VPS13C: variants seen among roughly 807,000 people sequenced by gnomAD.
VPS13C encodes intermembrane lipid transfer protein VPS13C.
In VPS13C, 358 loss-of-function variants were observed where a neutral mutation model predicts 456.8. The observed-to-expected ratio is 0.78, with a 90% confidence interval of 0.72 to 0.86. The LOEUF (loss-of-function observed/expected upper bound fraction) is 0.86. Among genes scored for constraint, VPS13C ranks in the 40% least tolerant of loss-of-function variants. The pLI, the probability that VPS13C is intolerant of heterozygous loss-of-function variation, is 0.00. For synonymous variants in VPS13C, 1,578 were observed against 1,486.7 expected (o/e 1.06, Z -1.41); for missense variants, 4,818 against 4,385.4 (o/e 1.10, Z -2.79).
chr15:61,955,861 T>C (rs182903791), intron 37 of VPS13C, among the ~76,000 whole-genome samples: 162 of 152,296 alleles, frequency 1.1e-3, no homozygotes, highest in African/African-American at 3.6e-3. Flanking sequence ...GGAATACTTA[T>C]ACACTGTAGG....
At chr15:62,006,406 C>T (rs977391806) in intron 15 of VPS13C, among the ~76,000 whole-genome samples, 9 of 152,106 alleles carry the variant, frequency 5.9e-5, no homozygotes, top group African/African-American at 2.2e-4. Context: ...TTTCCAGTTT[C>T]ATCCATGTCC....
At chr15:61,995,394 A>C (rs773728836) in intron 16 of VPS13C, among the ~76,000 whole-genome samples, 3 of 152,264 alleles carry the variant, frequency 2.0e-5, no homozygotes, top group South Asian at 2.1e-4. Context: ...CCACCACCAT[A>C]ATCTCCCATT....
chr15:61,952,053 A>C, intron 38 of VPS13C, 73 bp from the exon 39 acceptor site: 1 of 1,495,208 alleles, frequency 6.7e-7, no homozygotes, highest in African/African-American at 1.4e-5. Flanking sequence ...GAATTTAATA[A>C]GTATCCAGAG....
Position 61,954,478 on chromosome 15 carries a change from C to G in VPS13C, c.4242G>C (p.Val1414=), listed in dbSNP as rs1375739639. The change falls in exon 38 of 85, where the codon GTG becomes GTC. Residue 1414 remains valine (V), a synonymous_variant. Transcript: ENST00000644861. ...HDSKNTLTTG[V]EEIRSVDIIN... is the part of the protein sequence containing the mutation. ...TGATGTCTACAGACCTAATTTCTTC[C>G]ACTCCAGTTGTTAAAGTATTTTTTG... 6.2e-7 allele frequency: 1 copy of G among 1,609,462 alleles called. No homozygotes were observed. The highest frequency in any genetic ancestry group is 2.2e-5 in the East Asian group (1 of 44,684).
chr15:61,897,927 A>G (rs190390840), intron 66 of VPS13C, among the ~76,000 whole-genome samples: 5 of 152,308 alleles, frequency 3.3e-5, no homozygotes, highest in African/African-American at 1.2e-4. Flanking sequence ...TACAAGCCAG[A>G]AGAGAGTGGG....
chr15:61,984,973 C>T lies in VPS13C; in HGVS notation c.1605G>A (p.Lys535=), dbSNP rs923033131. ...KQYVAHIMTL[K]LVSTSVTIRE... Reference sequence around the variant, plus strand: ...TTATCGTAACAGAGGTGCTTACTAACTTCAGGGTCATAATATGGGCAACAT... The same window carrying T: ...TTATCGTAACAGAGGTGCTTACTAATTTCAGGGTCATAATATGGGCAACAT... Residue 535 remains lysine, a synonymous_variant, in exon 19 of 85, where the codon AAG becomes AAA. Transcript: ENST00000644861. The T allele has an allele frequency of 6.9e-6, 11 of 1,591,182 alleles. No homozygotes were observed. The highest frequency in any genetic ancestry group is 9.4e-6 in the Non-Finnish European group (11 of 1,171,116).
chr15:61,966,161 G>A lies in VPS13C; in HGVS notation c.2992-19C>T, dbSNP rs770703976. 16 of 1,582,866 alleles carry A rather than the reference G, an allele frequency of 1.0e-5. No individual in the cohort carries two copies. In the East Asian group the frequency reaches 3.2e-4, roughly 31 times the overall value. The stretch of plus-strand genomic sequence containing the variant: ...TATCAGCCTGAAAAAAGAAGTAAAA[G>A]TTCTAAAGAAGGTACTAGGATCGAA... On this transcript the variant is annotated intron_variant, in intron 29 of 84. Coordinates refer to ENST00000644861, the MANE Select transcript of VPS13C (RefSeq NM_020821.3).
At chr15:61,921,384 A>G (rs1418824022) in intron 55 of VPS13C, among the ~76,000 whole-genome samples, 2 of 152,074 alleles carry the variant, frequency 1.3e-5, no homozygotes, top group African/African-American at 4.8e-5. Flanking sequence ...GTGCTTCAGT[A>G]TCTAGGTTTC....
chr15:61,910,435 C>T, intron 63 of VPS13C, 130 bp from the exon 64 acceptor site: 1 of 667,416 alleles, frequency 1.5e-6, no homozygotes, highest in Non-Finnish European at 2.0e-6. Flanking sequence ...AAAAATATGT[C>T]CTCTACATCT....
At chr15:61,897,437 G>A (rs200134118) in intron 66 of VPS13C, among the ~76,000 whole-genome samples, 12 of 152,302 alleles carry the variant, frequency 7.9e-5, no homozygotes, top group East Asian at 3.9e-4. Context: ...ACCAAGGCTC[G>A]AGAACTACGT....
Position 61,853,214 on chromosome 15 carries a change from T to A in VPS13C, c.*1243A>T, listed in dbSNP as rs1399093039. The A allele has an allele frequency of 6.6e-6, 1 of 152,170 alleles. No homozygotes were observed. Among genetic ancestry groups the A allele is most frequent in the Non-Finnish European group, 1.5e-5 (1 of 68,016 alleles). 9.4% of individuals were successfully genotyped at this position (152,170 alleles called of 1,614,324 possible). A position where few individuals can be genotyped will look rare whatever the true frequency, so the allele number is the denominator to read the frequency against. ...ATTTATATATAAAACAACCAAAGAATTTTCATTCTTCTTAGTAAGTATTTA... is the reference window on the plus strand; with the variant it reads ...ATTTATATATAAAACAACCAAAGAAATTTCATTCTTCTTAGTAAGTATTTA... On this transcript the variant is annotated 3_prime_UTR_variant, in exon 85 of 85. Coordinates refer to ENST00000644861, the MANE Select transcript of VPS13C (RefSeq NM_020821.3).
At chr15:61,869,219 G>T (rs780036981) in intron 80 of VPS13C, among the ~76,000 whole-genome samples, 1 of 149,848 alleles carries the variant, frequency 6.7e-6, no homozygotes, top group Non-Finnish European at 1.5e-5. Flanking sequence ...CTAGGTTCAC[G>T]CGGTTCTCAT....
intron 22 of VPS13C, among the ~76,000 whole-genome samples, chr15:61,979,460 C>G (rs1004133354): frequency 6.6e-6 from 1 of 152,010 alleles, no homozygotes; most frequent in Non-Finnish European, 1.5e-5. Flanking sequence ...CAAATTTATG[C>G]TGAAGCTTGG....
At chr15:61,856,483 C>A in intron 82 of VPS13C, 74 bp from the exon 83 acceptor site, 2 of 1,563,680 alleles carry the variant, frequency 1.3e-6, no homozygotes, top group Non-Finnish European at 1.7e-6. Flanking sequence ...TTTCACCCTA[C>A]TGGATGGCAG....
chr15:61,966,288 T>G (rs2045374402), intron 29 of VPS13C, 146 bp from the exon 30 acceptor site: 2 of 480,336 alleles, frequency 4.2e-6, no homozygotes, highest in Admixed American at 4.1e-5. Flanking sequence ...TATTTTAAAT[T>G]TACATCCAAA....
chr15:61,875,986 C>T (rs1005410045), intron 75 of VPS13C, 141 bp from the exon 76 acceptor site: 1 of 585,212 alleles, frequency 1.7e-6, no homozygotes, highest in Admixed American at 3.5e-5. Flanking sequence ...ACTACCTCCA[C>T]TAATGGATCT....
In VPS13C at chr15:61,917,368, G is replaced by A. The variant is rs927349733; in HGVS notation, c.8028C>T (p.Leu2676=). 2 of 1,613,782 alleles carry A rather than the reference G, an allele frequency of 1.2e-6. No individual in the cohort carries two copies. The highest frequency in any genetic ancestry group is 1.7e-6 in the Non-Finnish European group (2 of 1,179,758). The part of the protein sequence containing the change: ...LYPSLTLRNL[L]PYSLRYLLEG... ...CAAGTAAATATCTTAGGGAATATGG[G>A]AGAAGATTCCGCAAAGTGAGAGAAG... Residue 2676 remains leucine (L), a synonymous_variant, in exon 60 of 85, where the codon CTC becomes CTT. Transcript: ENST00000644861.
At chr15:62,000,707 A>G in intron 15 of VPS13C, 81 bp from the exon 16 acceptor site, 3 of 1,119,048 alleles carry the variant, frequency 2.7e-6, no homozygotes, top group South Asian at 3.1e-5. Context: ...TTCTAGGCAT[A>G]TCTAGTCCAT....
At chr15:61,917,811 T>C (rs72747887) in intron 59 of VPS13C, among the ~76,000 whole-genome samples, 176 bp from the exon 60 acceptor site, 4,033 of 152,088 alleles carry the variant, frequency 0.027, 85 homozygotes, top group South Asian at 0.046. Flanking sequence ...CAAAATCACA[T>C]AGCTAACTTA....
Sources: gnomAD v4.1 joint callset for allele counts (sites outside exome capture counted in the v4.1 genomes callset) on GRCh38, gnomAD v4.1.1 for gene constraint, MANE v1.5 for transcripts, NCBI Gene and HGNC (gene_info 2026-07-23, HGNC 2026-07-21) for gene names.